BRINP3: variants seen among roughly 807,000 people sequenced by gnomAD.
BRINP3 encodes BMP/retinoic acid inducible neural specific 3.
A neutral mutation model predicts 71.0 loss-of-function variants in BRINP3; 19 were observed. That is an observed-to-expected ratio of 0.27 (90% CI 0.19 to 0.39). The LOEUF (loss-of-function observed/expected upper bound fraction) is 0.39, where lower values mean the gene tolerates loss of function less well. Ranked by LOEUF, BRINP3 falls within the 10% of genes least tolerant of loss-of-function variation. The probability of loss-of-function intolerance (pLI) is 1.00; values close to 1 mark genes in which losing one functional copy is unlikely to be tolerated. For synonymous variants in BRINP3, 380 were observed against 337.7 expected, an observed-to-expected ratio of 1.13 and a Z score of -1.37; for missense variants, 959 against 940.8, an observed-to-expected ratio of 1.02 and a Z score of -0.25.
At chr1:190,418,528 C>T (rs1183045396) in intron 2 of BRINP3, among the ~76,000 whole-genome samples, 2 of 152,144 alleles carry the variant, frequency 1.3e-5, no homozygotes, top group African/African-American at 4.8e-5. Flanking sequence ...CGTATCTGAA[C>T]ACATCGTAGA....
intron 6 of BRINP3, among the ~76,000 whole-genome samples, chr1:190,162,429 C>A (rs1377152656): frequency 6.6e-6 from 1 of 152,034 alleles, no homozygotes; most frequent in African/African-American, 2.4e-5. Flanking sequence ...AGGAGTAGAG[C>A]CACTCTGCCT....
intron 5 of BRINP3, among the ~76,000 whole-genome samples, chr1:190,232,822 G>T (rs932786146): frequency 6.6e-6 from 1 of 152,062 alleles, no homozygotes; most frequent in Non-Finnish European, 1.5e-5. Context: ...GTATAAACGT[G>T]CTGTCATTTT....
chr1:190,376,728 T>C (rs1670207677), intron 2 of BRINP3, among the ~76,000 whole-genome samples: 1 of 152,100 alleles, frequency 6.6e-6, no homozygotes, highest in African/African-American at 2.4e-5. Flanking sequence ...AGTGAATCTA[T>C]TTCGTTGAAC....
intron 2 of BRINP3, among the ~76,000 whole-genome samples, chr1:190,337,176 A>AT (rs889663926): frequency 3.3e-5 from 5 of 151,718 alleles, no homozygotes; most frequent in Admixed American, 6.6e-5. Flanking sequence ...AGGAAACCCA[A>AT]TTTTCTCTAT....
At chr1:190,106,543 T>C (rs1177287957) in intron 7 of BRINP3, among the ~76,000 whole-genome samples, 2 of 151,570 alleles carry the variant, frequency 1.3e-5, no homozygotes, top group African/African-American at 4.8e-5. Flanking sequence ...TATTTGAAAC[T>C]AAATATAAAT....
intron 2 of BRINP3, among the ~76,000 whole-genome samples, chr1:190,452,978 T>A (rs993114638): frequency 1.3e-5 from 2 of 152,084 alleles, no homozygotes; most frequent in African/African-American, 4.8e-5. Flanking sequence ...GAGATGCCGA[T>A]AAATCACGGA....
chr1:190,099,485 G>A (rs1189280073), intron 7 of BRINP3, among the ~76,000 whole-genome samples: 2 of 152,080 alleles, frequency 1.3e-5, no homozygotes, highest in East Asian at 3.9e-4. Flanking sequence ...ATAAAAATGG[G>A]TCATTATTGT....
chr1:190,163,597 T>TGAAGCAA (rs11281945), intron 6 of BRINP3, among the ~76,000 whole-genome samples: 18,696 of 151,882 alleles, frequency 0.12, 1,680 homozygotes, highest in South Asian at 0.26. Context: ...ACTTTTCACA[T>TGAAGCAA]GAAGCAAATA....
At chr1:190,261,420 G>GT (rs1044174780) in intron 4 of BRINP3, among the ~76,000 whole-genome samples, 2 of 111,574 alleles carry the variant, frequency 1.8e-5, no homozygotes, top group African/African-American at 6.3e-5. Context: ...TTGTGTCAGT[G>GT]TTTTTTATTT....
intron 6 of BRINP3, among the ~76,000 whole-genome samples, chr1:190,199,678 T>C (rs890927289): frequency 3.3e-5 from 5 of 150,624 alleles, no homozygotes; most frequent in African/African-American, 1.2e-4. Context: ...AGGAGAAAAT[T>C]AGCCAAGATA....
chr1:190,146,659 C>A (rs2102406886), intron 7 of BRINP3, among the ~76,000 whole-genome samples: 1 of 152,112 alleles, frequency 6.6e-6, no homozygotes, highest in East Asian at 1.9e-4. Flanking sequence ...AGAGATTAAG[C>A]AATTTTCAGT....
At position 190,111,400 on chromosome 1, in the gene BRINP3, C is replaced by A. The variant is rs1043413928; in HGVS notation, c.1185-12266G>T. Among the ~76,000 whole-genome samples, 6 of 151,854 alleles carry A rather than the reference C, an allele frequency of 4.0e-5. No homozygotes were observed. In the East Asian group the frequency reaches 9.7e-4, roughly 25 times the overall value. ...GGAATCTGAGGAGGTAAGTGAGAAA[C>A]AGCAACGTGATATGTAATTATGTAA... On this transcript the variant is annotated intron_variant, in intron 7 of 7. Coordinates refer to ENST00000367462, the MANE Select transcript of BRINP3 (RefSeq NM_199051.3).
chr1:190,470,696 A>G (rs905484419), intron 1 of BRINP3, among the ~76,000 whole-genome samples: 1 of 151,150 alleles, frequency 6.6e-6, no homozygotes. Context: ...AGTAGATTGC[A>G]TGTCATTTTT....
At chr1:190,280,121 C>G (rs1232034257) in intron 3 of BRINP3, among the ~76,000 whole-genome samples, 1 of 151,722 alleles carries the variant, frequency 6.6e-6, no homozygotes, top group Non-Finnish European at 1.5e-5. Flanking sequence ...GTGATAAATG[C>G]AAATGTGATC....
rs543479393 is a variant in BRINP3 at position 190,190,976 on chromosome 1, T to G, written c.962-30086A>C. On this transcript the variant is annotated intron_variant, in intron 6 of 7. Coordinates refer to ENST00000367462, the MANE Select transcript of BRINP3 (RefSeq NM_199051.3). Reference sequence around the variant, plus strand: ...AGCAGATATTATAGGCATTATGAACTAGTGATCTGTAAGCAAAGCGATAAT... The same window carrying G: ...AGCAGATATTATAGGCATTATGAACGAGTGATCTGTAAGCAAAGCGATAAT... Among the ~76,000 whole-genome samples, 4 of 152,240 alleles carry G rather than the reference T, an allele frequency of 2.6e-5. No homozygotes were observed. In the South Asian group the frequency reaches 8.3e-4, roughly 32 times the overall value.
intron 7 of BRINP3, among the ~76,000 whole-genome samples, chr1:190,157,384 C>A (rs533409924): frequency 6.6e-6 from 1 of 152,114 alleles, no homozygotes; most frequent in African/African-American, 2.4e-5. Context: ...ATTCAGATTT[C>A]ATGGATTCCT....
chr1:190,098,175 G>A lies in BRINP3; in HGVS notation c.2144C>T (p.Pro715Leu), dbSNP rs1651363548. Residue 715 changes from proline to leucine, a missense_variant, in exon 8 of 8, where the codon CCA (proline) becomes CTA (leucine). Transcript: ENST00000367462. ...EIRDRVNKLS[P>L]PGQRRLDLFS... ...AAGATCTAGACGACGCTGACCAGGT[G>A]GGGAGAGTTTATTTACACGGTCTCT... 1.2e-6 allele frequency: 2 copies of A among 1,614,136 alleles called. No homozygotes were observed. The highest frequency in any genetic ancestry group is 1.7e-6 in the Non-Finnish European group (2 of 1,180,030).
intron 7 of BRINP3, chr1:190,153,936 T>C (rs766028442): frequency 1.8e-4 from 52 of 291,406 alleles, no homozygotes; most frequent in Middle Eastern, 1.7e-3. Context: ...GCTCTAGTAA[T>C]ATAACTCAAA....
chr1:190,434,089 T>G (rs1674289051), intron 2 of BRINP3, among the ~76,000 whole-genome samples: 1 of 151,658 alleles, frequency 6.6e-6, no homozygotes, highest in Non-Finnish European at 1.5e-5. Flanking sequence ...TAGTTTCACC[T>G]AAAGAAATGG....
Sources: gnomAD v4.1 joint callset for allele counts (sites outside exome capture counted in the v4.1 genomes callset) on GRCh38, gnomAD v4.1.1 for gene constraint, MANE v1.5 for transcripts, NCBI Gene and HGNC (gene_info 2026-07-23, HGNC 2026-07-21) for gene names.